The following KIAA1328 variants were observed in gnomAD, a reference collection of about 807,000 sequenced individuals.
KIAA1328 encodes KIAA1328.
KIAA1328 carries 52 observed loss-of-function variants against 68.1 expected under a neutral mutation model. The observed-to-expected ratio is 0.76, with a 90% CI of 0.61 to 0.96. The LOEUF is 0.96. Among genes scored for constraint, KIAA1328 ranks in the 40% least tolerant of loss-of-function variants. The pLI is 0.00. For synonymous variants in KIAA1328, 232 were observed against 239.4 expected, an observed-to-expected ratio of 0.97 and a Z score of 0.28; for missense variants, 641 against 677.6, an observed-to-expected ratio of 0.95 and a Z score of 0.60.
intron 6 of KIAA1328, among the ~76,000 whole-genome samples, chr18:37,036,654 G>C (rs1023525672): frequency 4.6e-5 from 7 of 152,154 alleles, no homozygotes; most frequent in African/African-American, 1.7e-4. Context: ...TGGGGTCATT[G>C]CCTGGGCTGT....
intron 5 of KIAA1328, among the ~76,000 whole-genome samples, chr18:36,920,249 G>T (rs2049866207): frequency 1.3e-5 from 2 of 152,218 alleles, no homozygotes; most frequent in South Asian, 4.2e-4. Flanking sequence ...CAGGGGCCTA[G>T]GTTCATTCTC....
At chr18:37,217,770 C>G (rs1181385779) in intron 9 of KIAA1328, among the ~76,000 whole-genome samples, 1 of 152,226 alleles carries the variant, frequency 6.6e-6, no homozygotes, top group East Asian at 1.9e-4. Flanking sequence ...TGTTTTCCAG[C>G]TTGGTTCCAT....
intron 6 of KIAA1328, among the ~76,000 whole-genome samples, chr18:37,062,312 C>T (rs182356668): frequency 2.0e-5 from 3 of 152,304 alleles, no homozygotes; most frequent in East Asian, 3.9e-4. Context: ...ATACAATGTT[C>T]TCCTTGAAAG....
chr18:36,929,505 C>T (rs907295361), intron 5 of KIAA1328, among the ~76,000 whole-genome samples: 2 of 151,980 alleles, frequency 1.3e-5, no homozygotes, highest in African/African-American at 2.4e-5. Context: ...TTAGCATGGG[C>T]CCTGGAGTAC....
chr18:37,130,479 A>G (rs961747268), intron 7 of KIAA1328, among the ~76,000 whole-genome samples: 2 of 152,106 alleles, frequency 1.3e-5, no homozygotes, highest in Non-Finnish European at 2.9e-5. Context: ...TTAGCTGGGC[A>G]TGGTGGTGCA....
intron 7 of KIAA1328, among the ~76,000 whole-genome samples, chr18:37,102,341 T>G (rs1160378550): frequency 6.6e-6 from 1 of 152,140 alleles, no homozygotes; most frequent in African/African-American, 2.4e-5. Context: ...ACCTGGGTAG[T>G]GGGATGATCT....
intron 6 of KIAA1328, among the ~76,000 whole-genome samples, chr18:37,027,545 A>G (rs558229217): frequency 9.2e-5 from 14 of 152,126 alleles, no homozygotes; most frequent in South Asian, 2.1e-4. Context: ...ACAGAACAGA[A>G]CCCTCAGAAA....
intron 6 of KIAA1328, among the ~76,000 whole-genome samples, chr18:37,000,971 T>G (rs1265274121): frequency 6.6e-6 from 1 of 151,878 alleles, no homozygotes; most frequent in Non-Finnish European, 1.5e-5. Context: ...TAACCAATGC[T>G]CTTGCAGGAA....
intron 7 of KIAA1328, among the ~76,000 whole-genome samples, chr18:37,145,212 TAAAG>T (rs1030504675): frequency 1.3e-5 from 2 of 150,656 alleles, no homozygotes; most frequent in African/African-American, 4.9e-5. Flanking sequence ...CTCACAAAAA[TAAAG>T]AAAGAAAAAA....
chr18:37,013,541 TC>T (rs1233542111), intron 6 of KIAA1328, among the ~76,000 whole-genome samples: 1 of 152,156 alleles, frequency 6.6e-6, no homozygotes, highest in Non-Finnish European at 1.5e-5. Flanking sequence ...GTTGCCATCT[TC>T]ATATCCATGA....
intron 7 of KIAA1328, among the ~76,000 whole-genome samples, chr18:37,090,958 G>C (rs891101974): frequency 1.3e-5 from 2 of 152,102 alleles, no homozygotes; most frequent in African/African-American, 4.8e-5. Context: ...AGCCTCAATT[G>C]AAGGTATAAT....
chr18:37,189,201 C>T (rs913083074), intron 9 of KIAA1328, among the ~76,000 whole-genome samples: 5 of 152,166 alleles, frequency 3.3e-5, no homozygotes, highest in African/African-American at 1.2e-4. Flanking sequence ...TTGATTGTAA[C>T]ACAAGATATC....
At chr18:37,190,420 T>C (rs2059884259) in intron 9 of KIAA1328, among the ~76,000 whole-genome samples, 1 of 152,172 alleles carries the variant, frequency 6.6e-6, no homozygotes, top group South Asian at 2.1e-4. Context: ...AATCAAGCAA[T>C]TAGAATGAAT....
chr18:37,146,691 TC>T (rs1397279535), intron 7 of KIAA1328, among the ~76,000 whole-genome samples: 2 of 152,216 alleles, frequency 1.3e-5, no homozygotes, highest in African/African-American at 4.8e-5. Context: ...CGTTGCATTT[TC>T]TTTGGTGATT....
At chr18:37,112,361 G>C (rs1419994326) in intron 7 of KIAA1328, among the ~76,000 whole-genome samples, 2 of 152,182 alleles carry the variant, frequency 1.3e-5, no homozygotes, top group Admixed American at 1.3e-4. Flanking sequence ...TTGCTGTTCT[G>C]CAATATTTGC....
chr18:36,954,842 C>T (rs563832812), intron 5 of KIAA1328, among the ~76,000 whole-genome samples: 5 of 151,862 alleles, frequency 3.3e-5, no homozygotes, highest in South Asian at 4.2e-4. Context: ...TTACAGGCGC[C>T]CACCACCATG....
Position 37,067,123 on chromosome 18 carries a change from T to G in KIAA1328, c.810T>G (p.Asn270Lys), listed in dbSNP as rs769501238. 1 of 1,613,994 alleles carries G rather than the reference T, an allele frequency of 6.2e-7. No homozygotes were observed. The highest frequency in any genetic ancestry group is 1.1e-5 in the South Asian group (1 of 91,088). ...DKIPSETTTC[N>K]CESPGRKPAV... ...TACCATCAGAGACCACAACATGTAATTGTGAATCTCCAGGGAGAAAACCTG... is the reference window on the plus strand; with the variant it reads ...TACCATCAGAGACCACAACATGTAAGTGTGAATCTCCAGGGAGAAAACCTG... The change falls in exon 7 of 10, where the codon AAT becomes AAG. Residue 270 changes from asparagine (N) to lysine (K), a missense_variant. Physicochemically the swap from Asn to Lys is moderately conservative, Grantham distance 94. Coordinates refer to ENST00000280020, the MANE Select transcript of KIAA1328 (RefSeq NM_020776.3).
In KIAA1328 at chr18:36,959,435, G is replaced by C. The variant is rs368414258; in HGVS notation, c.576G>C (p.Gln192His). 4.4e-5 allele frequency: 71 copies of C among 1,606,484 alleles called. No homozygotes were observed. Among genetic ancestry groups the C allele is most frequent in the Non-Finnish European group, 6.0e-5 (71 of 1,177,592 alleles). Reference protein sequence around the residue: ...ELGAARMQEQQVSSRKSTLQC... With the variant: ...ELGAARMQEQHVSSRKSTLQC... ...GTGCTGCTAGAATGCAGGAACAGCA[G>C]GTAAGCATCTTTAATTTTACTTTTC... Residue 192 changes from glutamine (Q) to histidine (H), a missense_variant and splice_region_variant, in exon 6 of 10, where the codon CAG becomes CAC. Transcript: ENST00000280020.
At chr18:37,128,332 G>T (rs1323228948) in intron 7 of KIAA1328, among the ~76,000 whole-genome samples, 1 of 152,034 alleles carries the variant, frequency 6.6e-6, no homozygotes, top group Admixed American at 6.6e-5. Context: ...AGATTAGCTG[G>T]GTGTGGTGGT....
Sources: gnomAD v4.1 joint callset for allele counts (sites outside exome capture counted in the v4.1 genomes callset) on GRCh38, gnomAD v4.1.1 for gene constraint, MANE v1.5 for transcripts, NCBI Gene and HGNC (gene_info 2026-07-23, HGNC 2026-07-21) for gene names.